The following PIK3CA variants were observed in gnomAD, a reference collection of about 807,000 sequenced individuals.
PIK3CA encodes phosphatidylinositol 4,5-bisphosphate 3-kinase catalytic subunit alpha isoform.
Under a neutral mutation model 138.2 loss-of-function variants are expected in PIK3CA, and 27 were observed. The observed-to-expected ratio is 0.20, with a 90% CI of 0.14 to 0.27. The LOEUF (loss-of-function observed/expected upper bound fraction) is 0.27, where lower values mean the gene tolerates loss of function less well. PIK3CA is among the 10% of genes least tolerant of loss of function. The pLI, the probability that PIK3CA is intolerant of heterozygous loss-of-function variation, is 1.00. For synonymous variants in PIK3CA, 358 were observed against 413.2 expected (o/e 0.87, Z 1.62); for missense variants, 544 against 1,277.4 (o/e 0.43, Z 8.75).
Position 179,204,050 on chromosome 3 carries a change from T to C in PIK3CA, c.1059+261T>C, listed in dbSNP as rs140501787. On this transcript the variant is annotated intron_variant, in intron 5 of 20. Coordinates refer to ENST00000263967, the MANE Select transcript of PIK3CA (RefSeq NM_006218.4). Reference sequence around the variant, plus strand: ...AATCAAAAGTTTTACAGAATTCGTTTGGCAGAAAGACCTGGGCCAACCTTA... The same window carrying C: ...AATCAAAAGTTTTACAGAATTCGTTCGGCAGAAAGACCTGGGCCAACCTTA... 0.016 allele frequency among the ~76,000 whole-genome samples: 2,416 copies of C among 152,330 alleles called. 31 individuals are homozygous for C. Among genetic ancestry groups the C allele is most frequent in the South Asian group, 0.068 (330 of 4,828 alleles).
At chr3:179,156,938 A>G (rs1170936570) in intron 1 of PIK3CA, among the ~76,000 whole-genome samples, 1 of 152,112 alleles carries the variant, frequency 6.6e-6, no homozygotes, top group East Asian at 1.9e-4. Context: ...TTAGGAGGTT[A>G]ATGTCTTTGG....
chr3:179,171,390 AG>A (rs1205833826), intron 1 of PIK3CA, among the ~76,000 whole-genome samples: 1 of 152,176 alleles, frequency 6.6e-6, no homozygotes, highest in East Asian at 1.9e-4. Flanking sequence ...TTAAGAAGCT[AG>A]AAAAGAAAGA....
At chr3:179,180,088 C>T (rs1262820979) in intron 1 of PIK3CA, among the ~76,000 whole-genome samples, 1 of 152,052 alleles carries the variant, frequency 6.6e-6, no homozygotes, top group African/African-American at 2.4e-5. Flanking sequence ...GGCTGTATTG[C>T]ATAGTTACTA....
intron 6 of PIK3CA, 142 bp downstream of exon 6, chr3:179,204,730 G>T: frequency 2.0e-6 from 1 of 488,510 alleles, no homozygotes. Flanking sequence ...TTAAAAATTA[G>T]CTAGGCACTG....
In PIK3CA at chr3:179,235,223, AT is replaced by A. The variant is rs1725310570; in HGVS notation, c.*861del. The A allele has an allele frequency of 1.1e-5, 2 of 183,676 alleles. No individual in the cohort carries two copies. The allele number at this position is 183,676 out of a possible 1,614,324, so 11.4% of individuals were successfully genotyped here. On this transcript the variant is annotated 3_prime_UTR_variant, in exon 21 of 21. Coordinates refer to ENST00000263967, the MANE Select transcript of PIK3CA (RefSeq NM_006218.4). ...AGTTGATTTTTTTTCTCCTTCTGCA[AT>A]TGAACTGAATACATTTTTCATGCAT...
At chr3:179,210,082 C>G in intron 7 of PIK3CA, 104 bp from the exon 8 acceptor site, 1 of 817,542 alleles carries the variant, frequency 1.2e-6, no homozygotes, top group East Asian at 3.0e-5. Flanking sequence ...TAGATATTCC[C>G]ATTATTATAG....
intron 1 of PIK3CA, among the ~76,000 whole-genome samples, chr3:179,169,412 C>T (rs866526105): frequency 5.3e-5 from 8 of 152,120 alleles, no homozygotes; most frequent in Non-Finnish European, 8.8e-5. Flanking sequence ...AATTGGTTGT[C>T]TTCCTATCCG....
At chr3:179,180,822 G>A (rs1335536145) in intron 1 of PIK3CA, among the ~76,000 whole-genome samples, 3 of 152,084 alleles carry the variant, frequency 2.0e-5, no homozygotes, top group East Asian at 3.8e-4. Context: ...AATAACATCA[G>A]TATTTCTTTA....
At chr3:179,197,617 C>T (rs954026099) in intron 1 of PIK3CA, among the ~76,000 whole-genome samples, 8 of 152,198 alleles carry the variant, frequency 5.3e-5, no homozygotes, top group African/African-American at 9.6e-5. Flanking sequence ...ACTTTTGGTG[C>T]ATAAGCAAAT....
chr3:179,174,173 G>A (rs1490126073), intron 1 of PIK3CA, among the ~76,000 whole-genome samples: 1 of 151,690 alleles, frequency 6.6e-6, no homozygotes, highest in East Asian at 1.9e-4. Context: ...CAACTGAAAG[G>A]TTAATAAAAA....
At chr3:179,226,438 G>C (rs1417530659) in intron 17 of PIK3CA, among the ~76,000 whole-genome samples, 1 of 152,106 alleles carries the variant, frequency 6.6e-6, no homozygotes, top group Admixed American at 6.6e-5. Flanking sequence ...TATGCAACCA[G>C]CTATCTTAGA....
chr3:179,209,524 G>A, intron 6 of PIK3CA, 71 bp from the exon 7 acceptor site: 2 of 805,484 alleles, frequency 2.5e-6, no homozygotes, highest in Non-Finnish European at 3.9e-6. Flanking sequence ...TTCGTGATTT[G>A]TAGGAGTCAT....
At chr3:179,175,929 A>C (rs1456421922) in intron 1 of PIK3CA, among the ~76,000 whole-genome samples, 1 of 152,182 alleles carries the variant, frequency 6.6e-6, no homozygotes, top group Non-Finnish European at 1.5e-5. Context: ...AGATGTGAAA[A>C]GCTGACCGAA....
At chr3:179,185,384 A>G (rs1031926194) in intron 1 of PIK3CA, among the ~76,000 whole-genome samples, 7 of 152,216 alleles carry the variant, frequency 4.6e-5, no homozygotes, top group South Asian at 2.1e-4. Flanking sequence ...CTCTCACACT[A>G]CAATAATCAA....
At chr3:179,183,714 A>G (rs1168912975) in intron 1 of PIK3CA, among the ~76,000 whole-genome samples, 1 of 152,252 alleles carries the variant, frequency 6.6e-6, no homozygotes, top group Non-Finnish European at 1.5e-5. Flanking sequence ...GTCCAAGGAC[A>G]TAGGCTGAGG....
At position 179,180,527 on chromosome 3, in the gene PIK3CA, T is replaced by C. The variant is rs552147949; in HGVS notation, c.-76-18223T>C. Among the ~76,000 whole-genome samples the C allele has an allele frequency of 2.6e-5, 4 of 152,208 alleles. No individual in the cohort carries two copies. The South Asian group carries it at 8.3e-4, about 32-fold the overall frequency. ...ATCAGTCCTGCATATGAGAACTCTTTTAGGGTCTAATAGTGATAGAGAAGA... is the reference window on the plus strand; with the variant it reads ...ATCAGTCCTGCATATGAGAACTCTTCTAGGGTCTAATAGTGATAGAGAAGA... On this transcript the variant is annotated intron_variant, in intron 1 of 20. Coordinates refer to ENST00000263967, the MANE Select transcript of PIK3CA (RefSeq NM_006218.4).
chr3:179,149,041 A>G (rs1009893446), intron 1 of PIK3CA, among the ~76,000 whole-genome samples: 3 of 151,838 alleles, frequency 2.0e-5, no homozygotes, highest in Non-Finnish European at 2.9e-5. Context: ...GCTTTTCTTG[A>G]GGGGCTGTCA....
chr3:179,213,919 T>G (rs1724779006), intron 9 of PIK3CA, among the ~76,000 whole-genome samples: 1 of 152,252 alleles, frequency 6.6e-6, no homozygotes, highest in South Asian at 2.1e-4. Context: ...CACTTGCTGC[T>G]TCACAGCTTC....
chr3:179,154,968 A>G (rs937554374), intron 1 of PIK3CA, among the ~76,000 whole-genome samples: 4 of 152,320 alleles, frequency 2.6e-5, no homozygotes, highest in East Asian at 3.9e-4. Flanking sequence ...TTAAAAATCT[A>G]TAAGAATTCT....
Sources: gnomAD v4.1 joint callset for allele counts (sites outside exome capture counted in the v4.1 genomes callset) on GRCh38, gnomAD v4.1.1 for gene constraint, MANE v1.5 for transcripts, NCBI Gene and HGNC (gene_info 2026-07-23, HGNC 2026-07-21) for gene names.